Variants in NME7 observed in about 807,000 individuals in gnomAD.
NME7 encodes the protein NME/NM23 family member 7, also known as nucleoside diphosphate kinase 7.
NME7 carries 41 observed loss-of-function variants against 49.1 expected under a neutral mutation model. The ratio of observed to expected loss-of-function variants is 0.83; its 90% CI spans 0.65 to 1.08. The LOEUF is 1.08. Among genes scored for constraint, NME7 ranks in the 50% least tolerant of loss-of-function variants. The pLI is 0.00. For missense variants in NME7, 423 were observed against 463.4 expected (o/e 0.91, Z 0.80); for synonymous variants, 139 against 150.6 (o/e 0.92, Z 0.56).
At chr1:169,229,106 G>A (rs1169011807) in intron 10 of NME7, among the ~76,000 whole-genome samples, 3 of 152,084 alleles carry the variant, frequency 2.0e-5, no homozygotes, top group Admixed American at 2.0e-4. Context: ...TGCATACAAG[G>A]AATTCCAATT....
At chr1:169,291,962 G>T (rs1419663605) in intron 6 of NME7, among the ~76,000 whole-genome samples, 2 of 151,984 alleles carry the variant, frequency 1.3e-5, no homozygotes, top group Non-Finnish European at 2.9e-5. Flanking sequence ...CACTGTGGTG[G>T]TCTGAACCAA....
rs989360861 is a variant in NME7, at chr1:169,250,969, C to T, written c.755-13282G>A. On this transcript the variant is annotated intron_variant, in intron 7 of 11. Coordinates refer to ENST00000367811, the MANE Select transcript of NME7 (RefSeq NM_013330.5). ...ATCTGCAGTTATTAGGTAGAATGTT[C>T]GGCAAATATTTGTCAGGTCCATTTG... Among the ~76,000 whole-genome samples the T allele has an allele frequency of 4.6e-5, 7 of 152,080 alleles. No individual in the cohort carries two copies. In the South Asian group the frequency reaches 1.0e-3, roughly 23 times the overall value.
At chr1:169,233,523 C>G (rs558260178) in intron 9 of NME7, among the ~76,000 whole-genome samples, 2 of 152,072 alleles carry the variant, frequency 1.3e-5, no homozygotes, top group Non-Finnish European at 1.5e-5. Context: ...ATTTACGATA[C>G]ACAACATCAA....
intron 11 of NME7, chr1:169,169,152 A>G (rs1167027860): frequency 4.8e-6 from 2 of 418,564 alleles, no homozygotes; most frequent in South Asian, 4.1e-5. Flanking sequence ...AAATCATCAG[A>G]TGGCCAAGTA....
chr1:169,260,589 A>T (rs1649129170), intron 7 of NME7, among the ~76,000 whole-genome samples: 1 of 132,158 alleles, frequency 7.6e-6, no homozygotes, highest in Admixed American at 7.5e-5. Flanking sequence ...GAAGAAAAAA[A>T]AAAAAGCCTG....
intron 1 of NME7, among the ~76,000 whole-genome samples, chr1:169,361,688 A>G (rs147737935): frequency 0.015 from 2,215 of 151,970 alleles, 58 homozygotes; most frequent in African/African-American, 0.05. Flanking sequence ...GCTGGGGCAC[A>G]AGAATTGCTT....
At chr1:169,166,918 G>A (rs564657684) in intron 11 of NME7, among the ~76,000 whole-genome samples, 1 of 152,210 alleles carries the variant, frequency 6.6e-6, no homozygotes, top group Non-Finnish European at 1.5e-5. Flanking sequence ...GTTGCAGTGA[G>A]CCGAGATTGT....
intron 1 of NME7, among the ~76,000 whole-genome samples, chr1:169,339,510 A>C (rs1176823594): frequency 6.6e-6 from 1 of 152,226 alleles, no homozygotes. Flanking sequence ...TGAGCTAGAA[A>C]TCAAATGATA....
chr1:169,282,681 T>A (rs1308345313), intron 7 of NME7, among the ~76,000 whole-genome samples: 1 of 152,200 alleles, frequency 6.6e-6, no homozygotes, highest in African/African-American at 2.4e-5. Flanking sequence ...AGAACATCTT[T>A]ATTTCTGCCT....
chr1:169,313,527 C>T (rs893459724), intron 3 of NME7, among the ~76,000 whole-genome samples: 1 of 152,130 alleles, frequency 6.6e-6, no homozygotes, highest in African/African-American at 2.4e-5. Flanking sequence ...GAAGCAAAGA[C>T]AATTAATTCC....
chr1:169,367,450 G>C (rs899960367), intron 1 of NME7, among the ~76,000 whole-genome samples: 11 of 152,180 alleles, frequency 7.2e-5, no homozygotes, highest in African/African-American at 2.7e-4. Context: ...GTTCAAAACA[G>C]GTTATTAGAC....
At chr1:169,169,180 G>C (rs1571260127) in intron 11 of NME7, 1 of 355,296 alleles carries the variant, frequency 2.8e-6, no homozygotes, top group Non-Finnish European at 5.2e-6. Context: ...CATCCAAGGG[G>C]AACATCACAT....
intron 11 of NME7, among the ~76,000 whole-genome samples, chr1:169,161,556 T>C (rs1405680802): frequency 6.6e-6 from 1 of 152,184 alleles, no homozygotes; most frequent in Non-Finnish European, 1.5e-5. Context: ...AAATTCAGAT[T>C]TGATCAACTA....
chr1:169,264,714 TTA>T (rs2101867054), intron 7 of NME7, among the ~76,000 whole-genome samples: 1 of 132,740 alleles, frequency 7.5e-6, no homozygotes, highest in African/African-American at 2.5e-5. Flanking sequence ...AGGCAGAAAA[TTA>T]ATAGTATCAG....
At chr1:169,327,157 TTTAG>T (rs1198336442) in intron 1 of NME7, among the ~76,000 whole-genome samples, 4 of 152,176 alleles carry the variant, frequency 2.6e-5, no homozygotes, top group Admixed American at 2.6e-4. Context: ...AAACTAACAC[TTTAG>T]TAGCACATAG....
intron 10 of NME7, among the ~76,000 whole-genome samples, chr1:169,207,585 T>G (rs1490273340): frequency 6.6e-6 from 1 of 152,064 alleles, no homozygotes; most frequent in Non-Finnish European, 1.5e-5. Context: ...CAAAACAAAA[T>G]GATTTTTTTC....
chr1:169,258,116 C>T (rs921379093), intron 7 of NME7, among the ~76,000 whole-genome samples: 5 of 130,920 alleles, frequency 3.8e-5, no homozygotes, highest in African/African-American at 1.3e-4. Context: ...GTCAGGAGGA[C>T]TCCTTGAGTC....
chr1:169,282,006 C>G lies in NME7; in HGVS notation c.754+5297G>C, dbSNP rs540160499. Among the ~76,000 whole-genome samples the G allele has an allele frequency of 2.0e-5, 3 of 152,124 alleles. No homozygotes were observed. The East Asian group carries it at 5.8e-4, about 29-fold the overall frequency. ...TTCCCTCTTTTTCTATTGTTTGGAA[C>G]AGTTTCAGAAGGAATGGTACCAGCT... On this transcript the variant is annotated intron_variant, in intron 7 of 11. Transcript: ENST00000367811.
intron 10 of NME7, among the ~76,000 whole-genome samples, chr1:169,219,990 T>A (rs369280025): frequency 1.1e-4 from 16 of 152,196 alleles, no homozygotes; most frequent in African/African-American, 3.6e-4. Context: ...TTTTTCCTCA[T>A]TTTTTTATCA....
Sources: gnomAD v4.1 joint callset for allele counts (sites outside exome capture counted in the v4.1 genomes callset) on GRCh38, gnomAD v4.1.1 for gene constraint, MANE v1.5 for transcripts, NCBI Gene and HGNC (gene_info 2026-07-23, HGNC 2026-07-21) for gene names.